Variants in PCDHGA9 observed in about 807,000 individuals in gnomAD.
PCDHGA9 encodes protocadherin gamma-A9.
A neutral mutation model predicts 62.5 loss-of-function variants in PCDHGA9; 37 were observed. That is an observed-to-expected ratio of 0.59 (90% CI 0.46 to 0.78). PCDHGA9 has a LOEUF of 0.78. PCDHGA9 is among the 30% of genes least tolerant of loss of function. The probability of loss-of-function intolerance (pLI) is 0.00; values close to 1 mark genes in which losing one functional copy is unlikely to be tolerated. For missense variants in PCDHGA9, 1,138 were observed against 1,166.2 expected, an observed-to-expected ratio of 0.98 and a Z score of 0.35; for synonymous variants, 459 against 484.6, an observed-to-expected ratio of 0.95 and a Z score of 0.69.
chr5:141,480,021 C>G (rs1415230863), intron 1 of PCDHGA9, among the ~76,000 whole-genome samples: 1 of 152,208 alleles, frequency 6.6e-6, no homozygotes, highest in Non-Finnish European at 1.5e-5. Context: ...AATCTCCTTT[C>G]TAAGCCTCTT....
intron 1 of PCDHGA9, chr5:141,426,408 G>A (rs2096933631): frequency 1.2e-5 from 3 of 258,388 alleles, no homozygotes; most frequent in South Asian, 4.8e-5. Flanking sequence ...CAGAAGAAAC[G>A]GTCCAGGGCT....
intron 1 of PCDHGA9, chr5:141,410,439 G>A (rs775594110): frequency 3.1e-6 from 5 of 1,614,006 alleles, no homozygotes; most frequent in Admixed American, 3.3e-5. Context: ...TACAGTGAGG[G>A]GACTTTGCCT....
Position 141,431,529 on chromosome 5 carries a change from T to C in PCDHGA9, c.2424+26153T>C, listed in dbSNP as rs145601545. 166 of 1,614,074 alleles carry C rather than the reference T, an allele frequency of 1.0e-4. No individual in the cohort carries two copies. In the African/African-American group the frequency reaches 2.0e-3, roughly 19 times the overall value. On this transcript the variant is annotated intron_variant, in intron 1 of 3. Coordinates refer to ENST00000573521, the MANE Select transcript of PCDHGA9 (RefSeq NM_018921.3). The surrounding 1 kb of genome is among the most constrained non-coding windows in gnomAD (Gnocchi z 4.8). The stretch of plus-strand genomic sequence containing the variant: ...GCGAGCGTTCCGGAGAATCTGGCCT[T>C]GGGCACGCAGCTGCTTGTAGTCAAC...
intron 1 of PCDHGA9, among the ~76,000 whole-genome samples, chr5:141,464,286 A>AT (rs1453289283): frequency 6.6e-6 from 1 of 151,420 alleles, no homozygotes; most frequent in African/African-American, 2.4e-5. Flanking sequence ...AAGCAAAAAA[A>AT]AAAACTCCAT....
At position 141,490,054 on chromosome 5, in the gene PCDHGA9, G is replaced by A. The variant is rs2099695440; in HGVS notation, c.2425-4753G>A. The A allele has an allele frequency of 6.2e-7, 1 of 1,614,104 alleles. No individual in the cohort carries two copies. The highest frequency in any genetic ancestry group is 1.3e-5 in the African/African-American group (1 of 74,944). ...CCTCAATGCCACTGATCCAGACGAG[G>A]GCACCAACGGCCAACTAGACTATTC... On this transcript the variant is annotated intron_variant, in intron 1 of 3. Transcript: ENST00000573521. This position sits in a 1 kb window ranked among gnomAD's most constrained non-coding sequence, Gnocchi z 5.4.
rs779392461 is a variant in PCDHGA9, at chr5:141,428,623, TC to T, written c.2424+23248del. 3.1e-5 allele frequency: 6 copies of T among 193,516 alleles called. No individual in the cohort carries two copies. In the East Asian group the frequency reaches 5.4e-4, roughly 17 times the overall value. 12.0% of individuals were successfully genotyped at this position (193,516 alleles called of 1,614,324 possible). ...CACTGAAGAGAATAACAAGATAAGC[TC>T]TAACTCTGTTGCTCCTACTCACGTG... On this transcript the variant is annotated intron_variant, in intron 1 of 3. Coordinates refer to ENST00000573521, the MANE Select transcript of PCDHGA9 (RefSeq NM_018921.3).
chr5:141,488,450 C>T (rs2154581002), intron 1 of PCDHGA9, among the ~76,000 whole-genome samples: 1 of 152,314 alleles, frequency 6.6e-6, no homozygotes, highest in East Asian at 1.9e-4. Context: ...TCCTGGGTGA[C>T]CTGATTCAGC....
At chr5:141,501,510 T>A (rs11744379) in intron 2 of PCDHGA9, among the ~76,000 whole-genome samples, 1 of 151,824 alleles carries the variant, frequency 6.6e-6, no homozygotes, top group African/African-American at 2.4e-5. Flanking sequence ...CTCCAAGGCC[T>A]CCAAGCTGAA....
intron 1 of PCDHGA9, chr5:141,415,176 C>T: frequency 6.2e-7 from 1 of 1,613,934 alleles, no homozygotes; most frequent in Non-Finnish European, 8.5e-7. Context: ...TCACCGTGGC[C>T]GTGGCCGACA....
chr5:141,505,320 C>G, intron 2 of PCDHGA9, 73 bp from the exon 3 acceptor site: 2 of 1,605,358 alleles, frequency 1.2e-6, no homozygotes, highest in Non-Finnish European at 1.7e-6. Context: ...TTTGGGAGCC[C>G]TGGGAGAGGA....
At chr5:141,482,667 G>C (rs2099569914) in intron 1 of PCDHGA9, among the ~76,000 whole-genome samples, 1 of 151,094 alleles carries the variant, frequency 6.6e-6, no homozygotes, top group Admixed American at 6.6e-5. Context: ...ATGATCTAAA[G>C]GTTGAGTAGT....
intron 1 of PCDHGA9, among the ~76,000 whole-genome samples, chr5:141,406,983 A>G (rs997882236): frequency 6.6e-6 from 1 of 152,250 alleles, no homozygotes; most frequent in Non-Finnish European, 1.5e-5. Context: ...AACATTTCAC[A>G]AGACATTTGA....
At chr5:141,408,148 G>C in intron 1 of PCDHGA9, 2 of 1,504,962 alleles carry the variant, frequency 1.3e-6, no homozygotes, top group Non-Finnish European at 1.8e-6. Context: ...TAGCGCGGTA[G>C]AGTGCACTTT....
At chr5:141,444,621 G>A (rs1265458898) in intron 1 of PCDHGA9, among the ~76,000 whole-genome samples, 1 of 152,132 alleles carries the variant, frequency 6.6e-6, no homozygotes, top group Non-Finnish European at 1.5e-5. Flanking sequence ...CATGTGGCAT[G>A]ATGCACCAGT....
chr5:141,413,760 C>G (rs778067298), intron 1 of PCDHGA9: 2 of 1,613,250 alleles, frequency 1.2e-6, no homozygotes, highest in African/African-American at 2.7e-5. Context: ...GCGTCAAGTA[C>G]CCGGAGCTGG....
chr5:141,432,378 C>A lies in PCDHGA9; in HGVS notation c.2424+27002C>A. On this transcript the variant is annotated intron_variant, in intron 1 of 3. Coordinates refer to ENST00000573521, the MANE Select transcript of PCDHGA9 (RefSeq NM_018921.3). This position sits in a 1 kb window ranked among gnomAD's most constrained non-coding sequence, Gnocchi z 6.0. ...GTGATGGCGCGGGACAACGGGCACC[C>A]GCCCCTCAGCAGCAACGTGTCGTTG... 6.2e-7 allele frequency: 1 copy of A among 1,614,234 alleles called. No individual in the cohort carries two copies. Among genetic ancestry groups the A allele is most frequent in the South Asian group, 1.1e-5 (1 of 91,082 alleles).
At chr5:141,427,082 C>T (rs1335319344) in intron 1 of PCDHGA9, 1 of 458,118 alleles carries the variant, frequency 2.2e-6, no homozygotes, top group Admixed American at 2.3e-5. Flanking sequence ...CAGCCACTGA[C>T]CAGGATGAGG....
rs756332070 is a variant in PCDHGA9, at chr5:141,431,578, C to A, written c.2424+26202C>A. The stretch of plus-strand genomic sequence containing the variant: ...ACGCTACCGACCCTGACGAAGGAGT[C>A]AATGCGGAAGTGAGGTATTCCTTCC... On this transcript the variant is annotated intron_variant, in intron 1 of 3. Transcript: ENST00000573521. This position sits in a 1 kb window ranked among gnomAD's most constrained non-coding sequence, Gnocchi z 4.8. 6.2e-7 allele frequency: 1 copy of A among 1,614,164 alleles called. No homozygotes were observed. Among genetic ancestry groups the A allele is most frequent in the African/African-American group, 1.3e-5 (1 of 75,060 alleles).
chr5:141,491,646 G>T lies in PCDHGA9; in HGVS notation c.2425-3161G>T. On this transcript the variant is annotated intron_variant, in intron 1 of 3. Transcript: ENST00000573521. The surrounding 1 kb of genome is among the most constrained non-coding windows in gnomAD (Gnocchi z 6.9). ...GCGTTCAGCAGCCCACAGCTCTGGC[G>T]CTGGAGCCTGACGCCATCCGGTCCC... is the stretch of plus-strand genomic sequence containing the variant. 1 of 1,613,872 alleles carries T rather than the reference G, an allele frequency of 6.2e-7. No individual in the cohort carries two copies. The highest frequency in any genetic ancestry group is 8.5e-7 in the Non-Finnish European group (1 of 1,180,030).
Sources: gnomAD v4.1 joint callset for allele counts (sites outside exome capture counted in the v4.1 genomes callset) on GRCh38, gnomAD v4.1.1 for gene constraint, Gnocchi (gnomAD v3.1) non-coding constraint, MANE v1.5 for transcripts, NCBI Gene and HGNC (gene_info 2026-07-23, HGNC 2026-07-21) for gene names.